Variants in SHROOM2 observed in about 807,000 individuals in gnomAD.
SHROOM2 encodes the protein protein Shroom2.
A neutral mutation model predicts 75.9 loss-of-function variants in SHROOM2; 33 were observed. The observed-to-expected ratio is 0.43, with a 90% CI of 0.33 to 0.58. The LOEUF (loss-of-function observed/expected upper bound fraction) is 0.58, where lower values mean the gene tolerates loss of function less well. Ranked by LOEUF, SHROOM2 falls within the 20% of genes least tolerant of loss-of-function variation. SHROOM2 has a pLI of 0.04. For synonymous variants in SHROOM2, 655 were observed against 663.6 expected (o/e 0.99, Z 0.20); for missense variants, 1,434 against 1,461.2 (o/e 0.98, Z 0.30).
intron 3 of SHROOM2, among the ~76,000 whole-genome samples, chrX:9,891,388 G>A (rs142603921): frequency 0.012 from 1,344 of 112,460 alleles, 29 homozygotes; most frequent in African/African-American, 0.041. Context: ...GTTCTGAGCC[G>A]GTGGGGTGGC....
In SHROOM2 at chrX:9,896,458, C is replaced by T; in HGVS notation, c.2550C>T (p.Asp850=). 1.7e-6 allele frequency: 2 copies of T among 1,211,470 alleles called. No homozygotes were observed. Among genetic ancestry groups the T allele is most frequent in the South Asian group, 3.5e-5 (2 of 56,907 alleles). ...GGTCGCGCACCACCTCCCTTGGGGACAGCCTCAACGCTCACAGCGCAGCGG... is the reference window on the plus strand; with the variant it reads ...GGTCGCGCACCACCTCCCTTGGGGATAGCCTCAACGCTCACAGCGCAGCGG... ...EPWSRTTSLG[D]SLNAHSAAEK... Residue 850 remains aspartate, a synonymous_variant, in exon 4 of 10, where the codon GAC becomes GAT. Coordinates refer to ENST00000380913, the MANE Select transcript of SHROOM2 (RefSeq NM_001649.4).
intron 2 of SHROOM2, among the ~76,000 whole-genome samples, chrX:9,875,897 A>G (rs1055108005): frequency 2.7e-5 from 3 of 112,761 alleles, no homozygotes; most frequent in African/African-American, 9.7e-5. Context: ...AGAAGTACAT[A>G]TTTAGTGATA....
intron 1 of SHROOM2, among the ~76,000 whole-genome samples, chrX:9,820,115 AAT>A (rs367636868): frequency 1.4e-4 from 7 of 48,381 alleles, no homozygotes; most frequent in African/African-American, 7.3e-4. Context: ...CCACCTTTAA[AAT>A]TTTTTTTTTT....
At chrX:9,898,043 C>T (rs1196289914) in intron 4 of SHROOM2, 147 bp from the exon 5 acceptor site, 2 of 509,536 alleles carry the variant, frequency 3.9e-6, no homozygotes, top group Non-Finnish European at 7.1e-6. Flanking sequence ...CAGAAGTGGA[C>T]GTGGGGTCTT....
At chrX:9,842,806 G>A (rs2083986183) in intron 1 of SHROOM2, among the ~76,000 whole-genome samples, 1 of 111,585 alleles carries the variant, frequency 9.0e-6, no homozygotes. Flanking sequence ...TCTGTCCCTG[G>A]CTGTCTGCCC....
At chrX:9,941,670 G>A (rs745955255) in intron 8 of SHROOM2, among the ~76,000 whole-genome samples, 8 of 111,222 alleles carry the variant, frequency 7.2e-5, no homozygotes, top group African/African-American at 2.6e-4. Flanking sequence ...AAGAATAATG[G>A]CACTGAAAAT....
chrX:9,833,747 C>T (rs1236238849), intron 1 of SHROOM2, among the ~76,000 whole-genome samples: 2 of 110,616 alleles, frequency 1.8e-5, no homozygotes, highest in African/African-American at 6.6e-5. Flanking sequence ...CATTAGCTTC[C>T]GTGGGAGAGG....
At chrX:9,928,677 G>A (rs1029536226) in intron 5 of SHROOM2, among the ~76,000 whole-genome samples, 1 of 109,072 alleles carries the variant, frequency 9.2e-6, no homozygotes, top group Non-Finnish European at 1.9e-5. Flanking sequence ...CGCATACAAC[G>A]CACAACACAG....
At chrX:9,816,020 T>G (rs1227804527) in intron 1 of SHROOM2, among the ~76,000 whole-genome samples, 1 of 112,426 alleles carries the variant, frequency 8.9e-6, no homozygotes, top group African/African-American at 3.2e-5. Flanking sequence ...ATTCTGGACA[T>G]TTCATGTCAG....
intron 5 of SHROOM2, among the ~76,000 whole-genome samples, chrX:9,904,591 G>A (rs1412864049): frequency 8.9e-6 from 1 of 112,117 alleles, no homozygotes; most frequent in Non-Finnish European, 1.9e-5. Context: ...TGGCAGCCCC[G>A]CTCTGCTCTG....
chrX:9,937,958 C>T (rs1219995269), intron 7 of SHROOM2, among the ~76,000 whole-genome samples: 1 of 111,368 alleles, frequency 9.0e-6, no homozygotes, highest in Non-Finnish European at 1.9e-5. Flanking sequence ...TGATGATGCC[C>T]ACAGGTCTCC....
At chrX:9,913,348 A>G (rs1191337987) in intron 5 of SHROOM2, 1 of 112,639 alleles carries the variant, frequency 8.9e-6, no homozygotes, top group Non-Finnish European at 1.9e-5. Flanking sequence ...GATAATTTAA[A>G]TAGAGAAAAT....
At chrX:9,860,769 T>C (rs372331277) in intron 1 of SHROOM2, among the ~76,000 whole-genome samples, 2 of 111,548 alleles carry the variant, frequency 1.8e-5, no homozygotes, top group East Asian at 5.6e-4. Flanking sequence ...GAGTTGAAGG[T>C]GTAGGAAGCA....
intron 1 of SHROOM2, among the ~76,000 whole-genome samples, chrX:9,833,644 G>GCA (rs2083928102): frequency 9.3e-6 from 1 of 107,961 alleles, no homozygotes; most frequent in Non-Finnish European, 1.9e-5. Flanking sequence ...GTGTGTGTGT[G>GCA]TGCATGCACG....
At chrX:9,844,769 C>T (rs757341099) in intron 1 of SHROOM2, among the ~76,000 whole-genome samples, 15 of 111,048 alleles carry the variant, frequency 1.4e-4, no homozygotes, top group Non-Finnish European at 2.6e-4. Flanking sequence ...AAGCTGAGAT[C>T]GTGCCATTGC....
rs2084803622 is a variant in SHROOM2 at position 9,944,829 on chromosome X, C to T, written c.4500C>T (p.Asn1500=). The change falls in exon 9 of 10, where the codon AAC becomes AAT. Residue 1500 remains asparagine (N), a synonymous_variant. Transcript: ENST00000380913. Reference sequence around the variant, plus strand: ...TTGGAGACCTGGACAAAGTGGTGAACCTCCTGCTGTCGCTGTCAGGCCGCC... The same window carrying T: ...TTGGAGACCTGGACAAAGTGGTGAATCTCCTGCTGTCGCTGTCAGGCCGCC... ...MFIGDLDKVV[N]LLLSLSGRLA... is the part of the protein sequence containing the mutation. 1 of 1,210,728 alleles carries T rather than the reference C, an allele frequency of 8.3e-7. No homozygotes were observed. The highest frequency in any genetic ancestry group is 1.1e-6 in the Non-Finnish European group (1 of 895,245).
At chrX:9,917,116 G>A in intron 5 of SHROOM2, among the ~76,000 whole-genome samples, 1 of 111,590 alleles carries the variant, frequency 9.0e-6, no homozygotes, top group Middle Eastern at 4.6e-3. Context: ...TGTCTCTGTG[G>A]AAAAATTAAG....
intron 1 of SHROOM2, among the ~76,000 whole-genome samples, chrX:9,799,006 A>G (rs754597743): frequency 1.8e-5 from 2 of 110,544 alleles, no homozygotes; most frequent in South Asian, 3.8e-4. Flanking sequence ...CCCCCTCCTC[A>G]TTTTTAGTGG....
In SHROOM2 at chrX:9,937,146, G is replaced by C. The variant is rs908751499; in HGVS notation, c.3600G>C (p.Val1200=). The C allele has an allele frequency of 8.4e-7, 1 of 1,193,757 alleles. No individual in the cohort carries two copies. Among genetic ancestry groups the C allele is most frequent in the African/African-American group, 1.8e-5 (1 of 56,942 alleles). Residue 1200 remains valine, a synonymous_variant, in exon 7 of 10, where the codon GTG becomes GTC. Coordinates refer to ENST00000380913, the MANE Select transcript of SHROOM2 (RefSeq NM_001649.4). ...GTTCATCTTCCAGAATTGAGCGGGT[G>C]ATGGACAACAACACCACGGTGAAGA... ...QDEDSTRIER[V]MDNNTTVKMV...
Sources: allele counts gnomAD v4.1 joint callset (sites outside exome capture counted in the v4.1 genomes callset), GRCh38; gene constraint gnomAD v4.1.1; transcripts MANE v1.5; gene names NCBI Gene and HGNC (gene_info 2026-07-23, HGNC 2026-07-21).